TRIM17: variants seen among roughly 807,000 people sequenced by gnomAD.
TRIM17 encodes the protein tripartite motif containing 17, also known as E3 ubiquitin-protein ligase TRIM17.
Under a neutral mutation model 35.8 loss-of-function variants are expected in TRIM17, and 27 were observed. The observed-to-expected ratio is 0.75, with a 90% CI of 0.56 to 1.04. The LOEUF (loss-of-function observed/expected upper bound fraction) is 1.04. Ranked by LOEUF, TRIM17 falls within the 50% of genes least tolerant of loss-of-function variation. The pLI is 0.00. For missense variants in TRIM17, 582 were observed against 612.8 expected, an observed-to-expected ratio of 0.95 and a Z score of 0.53; for synonymous variants, 246 against 252.6, an observed-to-expected ratio of 0.97 and a Z score of 0.25.
In TRIM17 at chr1:228,408,663, C is replaced by G. The variant is rs61737800; in HGVS notation, c.972G>C (p.Glu324Asp). 23 of 1,612,206 alleles carry G rather than the reference C, an allele frequency of 1.4e-5. No individual in the cohort carries two copies. The highest frequency in any genetic ancestry group is 3.3e-5 in the Admixed American group (2 of 60,006). Residue 324 changes from glutamate to aspartate, a missense_variant, in exon 7 of 7, where the codon GAG (glutamate) becomes GAC (aspartate). By Grantham distance (45) the Glu-to-Asp change is conservative. Coordinates refer to ENST00000366698, the MANE Select transcript of TRIM17 (RefSeq NM_016102.4). The surrounding 1 kb of genome is among the most constrained non-coding windows in gnomAD (Gnocchi z 6.3). The stretch of plus-strand genomic sequence containing the variant: ...GGTCCTTGCTGCAGAACCCACTGCC[C>G]TCCGGCGAAGAGCCGAGGTAGCGCC... ...RQRRYLGSSPEGSGFCSKDRF... is the reference protein window; with the variant it reads ...RQRRYLGSSPDGSGFCSKDRF...
chr1:228,408,909 C>T lies in TRIM17; in HGVS notation c.884-158G>A, dbSNP rs1656612542. 1.3e-6 allele frequency: 2 copies of T among 1,481,852 alleles called. No homozygotes were observed. Among genetic ancestry groups the T allele is most frequent in the East Asian group, 5.0e-5 (2 of 40,388 alleles). 91.8% of individuals were successfully genotyped at this position (1,481,852 alleles called of 1,614,324 possible). Reference sequence around the variant, plus strand: ...AATCTGGGGTTACTTGATGCTTCCACACACCAATTGTGTGTGGGCCTTGGT... The same window carrying T: ...AATCTGGGGTTACTTGATGCTTCCATACACCAATTGTGTGTGGGCCTTGGT... On this transcript the variant is annotated intron_variant, in intron 6 of 6. Transcript: ENST00000366698. The surrounding 1 kb of genome is among the most constrained non-coding windows in gnomAD (Gnocchi z 6.3).
At chr1:228,409,564 CT>C in intron 4 of TRIM17, 153 bp from the exon 5 acceptor site, 1 of 694,618 alleles carries the variant, frequency 1.4e-6, no homozygotes, top group Non-Finnish European at 2.3e-6. Context: ...ACTCCTGAGC[CT>C]TCCCCACTGC....
At chr1:228,413,697 T>A in intron 3 of TRIM17, 100 bp downstream of exon 3, 1 of 958,006 alleles carries the variant, frequency 1.0e-6, no homozygotes. Flanking sequence ...CTTCTTTTCC[T>A]GCCACTGCGG....
intron 3 of TRIM17, 101 bp downstream of exon 3, chr1:228,413,696 C>T (rs997014717): frequency 4.2e-6 from 4 of 948,452 alleles, no homozygotes; most frequent in African/African-American, 3.3e-5. Flanking sequence ...TCTTCTTTTC[C>T]TGCCACTGCG....
At chr1:228,413,179 C>T (rs1656877183) in intron 3 of TRIM17, among the ~76,000 whole-genome samples, 1 of 147,756 alleles carries the variant, frequency 6.8e-6, no homozygotes, top group South Asian at 2.1e-4. Context: ...CCATTGGATT[C>T]CAGCCTGGGC....
chr1:228,410,243 C>T lies in TRIM17; in HGVS notation c.756+703G>A, dbSNP rs183133377. Among the ~76,000 whole-genome samples, 306 of 152,168 alleles carry T rather than the reference C, an allele frequency of 2.0e-3. 3 individuals carry two copies. The highest frequency in any genetic ancestry group is 4.4e-4 in the Non-Finnish European group (30 of 67,994). On this transcript the variant is annotated intron_variant, in intron 4 of 6. Coordinates refer to ENST00000366698, the MANE Select transcript of TRIM17 (RefSeq NM_016102.4). The surrounding 1 kb of genome is among the most constrained non-coding windows in gnomAD (Gnocchi z 4.6). ...CCTGAGTCCTGGGACCACAGGCGCA[C>T]GCCACCATGCCCTGCTAATATTTTT...
chr1:228,409,489 C>CTAAGACACGGACAAGAAG, intron 4 of TRIM17, 78 bp from the exon 5 acceptor site: 1 of 1,407,562 alleles, frequency 7.1e-7, no homozygotes, highest in Non-Finnish European at 9.4e-7. Context: ...CCTTCTTGTC[C>CTAAGACACGGACAAGAAG]GTGTCTTAGG....
intron 3 of TRIM17, among the ~76,000 whole-genome samples, chr1:228,412,633 G>C (rs1313802502): frequency 2.0e-5 from 3 of 148,722 alleles, no homozygotes; most frequent in Non-Finnish European, 4.5e-5. Context: ...AGCTGGTCTT[G>C]GTGGCAAGTG....
At position 228,409,403 on chromosome 1, in the gene TRIM17, C is replaced by T; in HGVS notation, c.765G>A (p.Lys255=). 1.9e-6 allele frequency: 3 copies of T among 1,549,550 alleles called. No homozygotes were observed. Among genetic ancestry groups the T allele is most frequent in the Non-Finnish European group, 2.6e-6 (3 of 1,150,348 alleles). Residue 255 remains lysine, a synonymous_variant, in exon 5 of 7, where the codon AAG becomes AAA. Transcript: ENST00000366698. ...GGACCACATACCTGCTCAGGGGTTCCTTCATGTCCTGCAAAAGACAGGGAC... is the reference window on the plus strand; with the variant it reads ...GGACCACATACCTGCTCAGGGGTTCTTTCATGTCCTGCAAAAGACAGGGAC... The part of the protein sequence containing the change: ...QGPLQMLQDM[K]EPLSRKNNVS...
chr1:228,411,946 C>G lies in TRIM17; in HGVS notation c.526-770G>C, dbSNP rs531181874. Among the ~76,000 whole-genome samples the G allele has an allele frequency of 6.6e-6, 1 of 152,190 alleles. No homozygotes were observed. The highest frequency in any genetic ancestry group is 1.5e-5 in the Non-Finnish European group (1 of 68,046). On this transcript the variant is annotated intron_variant, in intron 3 of 6. Transcript: ENST00000366698. This position sits in a 1 kb window ranked among gnomAD's most constrained non-coding sequence, Gnocchi z 4.2. Reference sequence around the variant, plus strand: ...TTTGAACTGGGCTCCTGCGCTGGGTCCTAGAAGACCAGACCCAACCAGAAT... The same window carrying G: ...TTTGAACTGGGCTCCTGCGCTGGGTGCTAGAAGACCAGACCCAACCAGAAT...
At chr1:228,416,232 G>A (rs1657114571) in intron 1 of TRIM17, among the ~76,000 whole-genome samples, 1 of 152,190 alleles carries the variant, frequency 6.6e-6, no homozygotes, top group Admixed American at 6.5e-5. Flanking sequence ...CCCGGCGCCA[G>A]CCCTCCGACT....
At chr1:228,416,449 G>A (rs560366660) in intron 1 of TRIM17, 90 bp downstream of exon 1, 3 of 986,730 alleles carry the variant, frequency 3.0e-6, no homozygotes, top group African/African-American at 3.5e-5. Flanking sequence ...AAGGCCGGGC[G>A]TTGGAGGGCG....
rs977040530 is a variant in TRIM17, at chr1:228,411,319, C to G, written c.526-143G>C. On this transcript the variant is annotated intron_variant, in intron 3 of 6. Transcript: ENST00000366698. This position sits in a 1 kb window ranked among gnomAD's most constrained non-coding sequence, Gnocchi z 4.2. ...GGGGACCAGGAACTGTGACAGAGGCCCCCACCTCTGCCATCCTGTGATACA... is the reference window on the plus strand; with the variant it reads ...GGGGACCAGGAACTGTGACAGAGGCGCCCACCTCTGCCATCCTGTGATACA... 1.5e-6 allele frequency: 1 copy of G among 664,030 alleles called. No homozygotes were observed. The highest frequency in any genetic ancestry group is 2.9e-5 in the Admixed American group (1 of 34,002). 41.1% of individuals were successfully genotyped at this position (664,030 alleles called of 1,614,324 possible).
In TRIM17 at chr1:228,411,285, G is replaced by T; in HGVS notation, c.526-109C>A. 2.3e-6 allele frequency: 2 copies of T among 862,046 alleles called. No individual in the cohort carries two copies. The highest frequency in any genetic ancestry group is 3.6e-6 in the Non-Finnish European group (2 of 554,184). 53.4% of individuals were successfully genotyped at this position (862,046 alleles called of 1,614,324 possible). A position where few individuals can be genotyped will look rare whatever the true frequency, so the allele number is the denominator to read the frequency against. ...ACCCACAAGATCACCAGCAACTGGAGCTTTAGTTGGGGACCAGGAACTGTG... is the reference window on the plus strand; with the variant it reads ...ACCCACAAGATCACCAGCAACTGGATCTTTAGTTGGGGACCAGGAACTGTG... On this transcript the variant is annotated intron_variant, in intron 3 of 6. Transcript: ENST00000366698. This position sits in a 1 kb window ranked among gnomAD's most constrained non-coding sequence, Gnocchi z 4.2.
chr1:228,416,645 C>G lies in TRIM17; in HGVS notation c.-148G>C, dbSNP rs1657155233. ...AAGCCCAGGAGGCTGCGGCCCGGCC[C>G]GGGGCGTGGGGACCTGGGGTCGGGA... is the stretch of plus-strand genomic sequence containing the variant. On this transcript the variant is annotated 5_prime_UTR_variant, in exon 1 of 7. Coordinates refer to ENST00000366698, the MANE Select transcript of TRIM17 (RefSeq NM_016102.4). 4.3e-6 allele frequency: 4 copies of G among 931,106 alleles called. No homozygotes were observed. The highest frequency in any genetic ancestry group is 5.2e-5 in the South Asian group (1 of 19,226). The allele number at this position is 931,106 out of a possible 1,614,324, so 57.7% of individuals were successfully genotyped here.
chr1:228,412,938 C>A (rs114180221), intron 3 of TRIM17, among the ~76,000 whole-genome samples: 2,921 of 152,132 alleles, frequency 0.019, 99 homozygotes, highest in African/African-American at 0.063. Flanking sequence ...TGGCCTGGCG[C>A]GATGACTTAT....
At chr1:228,409,323 C>T (rs1656649113) in intron 5 of TRIM17, 48 bp from the exon 6 acceptor site, 1 of 1,609,790 alleles carries the variant, frequency 6.2e-7, no homozygotes, top group African/African-American at 1.3e-5. Context: ...CCTGGCCCGA[C>T]AGTCTTATTG....
At position 228,408,958 on chromosome 1, in the gene TRIM17, G is replaced by A; in HGVS notation, c.884-207C>T. 6 of 1,510,172 alleles carry A rather than the reference G, an allele frequency of 4.0e-6. No homozygotes were observed. The highest frequency in any genetic ancestry group is 1.3e-5 in the South Asian group (1 of 76,362). The allele number at this position is 1,510,172 out of a possible 1,614,324, so 93.5% of individuals were successfully genotyped here. Reference sequence around the variant, plus strand: ...GTGGCAATAAGGTACAGGGGGCTGGGCAGAGAGACCACTGGGAACTCAACA... The same window carrying A: ...GTGGCAATAAGGTACAGGGGGCTGGACAGAGAGACCACTGGGAACTCAACA... On this transcript the variant is annotated intron_variant, in intron 6 of 6. Transcript: ENST00000366698. The surrounding 1 kb of genome is among the most constrained non-coding windows in gnomAD (Gnocchi z 6.3).
intron 3 of TRIM17, among the ~76,000 whole-genome samples, chr1:228,413,175 G>C (rs1444837283): frequency 4.9e-5 from 7 of 142,094 alleles, no homozygotes; most frequent in African/African-American, 1.9e-4. Context: ...CGCACCATTG[G>C]ATTCCAGCCT....
Sources: allele counts gnomAD v4.1 joint callset (sites outside exome capture counted in the v4.1 genomes callset), GRCh38; gene constraint gnomAD v4.1.1; non-coding constraint Gnocchi (gnomAD v3.1); transcripts MANE v1.5; gene names NCBI Gene and HGNC (gene_info 2026-07-23, HGNC 2026-07-21).